TRIQK: variants seen among roughly 807,000 people sequenced by gnomAD.
TRIQK encodes triple QxxK/R motif-containing protein.
In TRIQK, 10 loss-of-function variants were observed where a neutral mutation model predicts 10.8. The ratio of observed to expected loss-of-function variants is 0.92; its 90% confidence interval spans 0.57 to 1.57. TRIQK has a LOEUF of 1.57. Ranked by LOEUF, TRIQK falls within the 40% of genes most tolerant of loss-of-function variation. The pLI is 0.00. For synonymous variants in TRIQK, 33 were observed against 33.7 expected (o/e 0.98, Z 0.07); for missense variants, 107 against 97.7 (o/e 1.09, Z -0.40).
At position 92,884,304 on chromosome 8, in the gene TRIQK, G is replaced by C. The variant is rs1004064642; in HGVS notation, c.*2318C>G. On this transcript the variant is annotated 3_prime_UTR_variant, in exon 5 of 5. Coordinates refer to ENST00000521988, the MANE Select transcript of TRIQK (RefSeq NM_001171797.2). ...TCCCAATCTGGGATTTCTCTACAGA[G>C]GGTTGGCTGCTTCCCAGTTAATGTG... 1 of 154,902 alleles carries C rather than the reference G, an allele frequency of 6.5e-6. No homozygotes were observed. Among genetic ancestry groups the C allele is most frequent in the African/African-American group, 2.4e-5 (1 of 41,394 alleles). The allele number at this position is 154,902 out of a possible 1,614,324, so 9.6% of individuals were successfully genotyped here. A position where few individuals can be genotyped will look rare whatever the true frequency, so the allele number is the denominator to read the frequency against.
rs1242099840 is a variant in TRIQK at position 92,885,404 on chromosome 8, T to G, written c.*1218A>C. On this transcript the variant is annotated 3_prime_UTR_variant, in exon 5 of 5. Coordinates refer to ENST00000521988, the MANE Select transcript of TRIQK (RefSeq NM_001171797.2). ...AATGTATATAATATAAAACACTTTG[T>G]GCACATGTTTCCAACAATTTCATTT... is the stretch of plus-strand genomic sequence containing the variant. 2 of 158,558 alleles carry G rather than the reference T, an allele frequency of 1.3e-5. No individual in the cohort carries two copies. Among genetic ancestry groups the G allele is most frequent in the African/African-American group, 4.8e-5 (2 of 41,454 alleles). 9.8% of individuals were successfully genotyped at this position (158,558 alleles called of 1,614,324 possible).
chr8:92,889,305 T>C (rs1816644364), intron 4 of TRIQK, among the ~76,000 whole-genome samples: 1 of 151,738 alleles, frequency 6.6e-6, no homozygotes, highest in South Asian at 2.1e-4. Context: ...GGTAATTAAA[T>C]CTATAAGTGA....
chr8:92,883,871 T>G lies in TRIQK; in HGVS notation c.*2751A>C, dbSNP rs1816333551. The G allele has an allele frequency of 6.6e-6, 1 of 151,798 alleles. No individual in the cohort carries two copies. The highest frequency in any genetic ancestry group is 1.5e-5 in the Non-Finnish European group (1 of 67,854). The allele number at this position is 151,798 out of a possible 1,614,324, so 9.4% of individuals were successfully genotyped here. The stretch of plus-strand genomic sequence containing the variant: ...GGCTTTTGCTTGTTTTAAAAGCAAT[T>G]CTAGATGAGGTTATATTTTTACAAT... On this transcript the variant is annotated 3_prime_UTR_variant, in exon 5 of 5. Transcript: ENST00000521988.
At chr8:92,988,335 A>G (rs1318274696) in intron 1 of TRIQK, among the ~76,000 whole-genome samples, 1 of 152,134 alleles carries the variant, frequency 6.6e-6, no homozygotes, top group Non-Finnish European at 1.5e-5. Flanking sequence ...TTAAATTATT[A>G]TACCCAAAAG....
intron 1 of TRIQK, among the ~76,000 whole-genome samples, chr8:92,958,836 G>A (rs954240779): frequency 6.6e-6 from 1 of 151,996 alleles, no homozygotes; most frequent in African/African-American, 2.4e-5. Flanking sequence ...ATAACAATGT[G>A]ACTATGATTT....
chr8:92,921,424 G>C (rs1163713648), intron 2 of TRIQK: 4 of 151,142 alleles, frequency 2.6e-5, no homozygotes, highest in Non-Finnish European at 4.4e-5. Context: ...AGCCTCCTTT[G>C]ATGTTAGTTG....
intron 1 of TRIQK, among the ~76,000 whole-genome samples, chr8:93,014,794 A>G (rs1366105136): frequency 6.6e-6 from 1 of 152,012 alleles, no homozygotes; most frequent in South Asian, 2.1e-4. Flanking sequence ...CACTTTAGGT[A>G]ATTGCATTCA....
At chr8:92,933,298 CAATT>C (rs1314353711) in intron 2 of TRIQK, among the ~76,000 whole-genome samples, 1 of 151,996 alleles carries the variant, frequency 6.6e-6, no homozygotes, top group Non-Finnish European at 1.5e-5. Context: ...TTTTACAAAA[CAATT>C]AATACCTAAT....
At chr8:93,000,693 G>A (rs991568872) in intron 1 of TRIQK, among the ~76,000 whole-genome samples, 5 of 152,022 alleles carry the variant, frequency 3.3e-5, no homozygotes, top group Non-Finnish European at 5.9e-5. Context: ...TGGGAAAAGG[G>A]TAAAAGTCTA....
chr8:92,915,103 C>G (rs1024096376), intron 3 of TRIQK, among the ~76,000 whole-genome samples: 1 of 151,992 alleles, frequency 6.6e-6, no homozygotes, highest in Non-Finnish European at 1.5e-5. Context: ...GTAGGCCAGA[C>G]AAAGAAAGAA....
chr8:92,963,964 A>G (rs1299052341), intron 1 of TRIQK: 2 of 152,178 alleles, frequency 1.3e-5, no homozygotes, highest in Admixed American at 1.3e-4. Context: ...ACTTGTTTAA[A>G]TACCAGAATA....
intron 1 of TRIQK, among the ~76,000 whole-genome samples, chr8:92,982,294 A>T (rs1365828025): frequency 2.6e-5 from 4 of 151,984 alleles, no homozygotes; most frequent in Non-Finnish European, 5.9e-5. Context: ...TAAAGAAGAG[A>T]AAACTAGATA....
intron 1 of TRIQK, among the ~76,000 whole-genome samples, chr8:92,995,156 T>C (rs1488988787): frequency 6.6e-6 from 1 of 152,008 alleles, no homozygotes; most frequent in African/African-American, 2.4e-5. Flanking sequence ...CATAATGTCA[T>C]TTTTTATGTC....
At chr8:93,006,979 T>C (rs1306979685) in intron 1 of TRIQK, among the ~76,000 whole-genome samples, 2 of 152,188 alleles carry the variant, frequency 1.3e-5, no homozygotes, top group Admixed American at 6.5e-5. Context: ...TTCAGCGCAG[T>C]GCACCCCCAT....
At chr8:92,888,124 G>C (rs1246114754) in intron 4 of TRIQK, among the ~76,000 whole-genome samples, 1 of 151,520 alleles carries the variant, frequency 6.6e-6, no homozygotes, top group East Asian at 1.9e-4. Flanking sequence ...AATTTTAAGA[G>C]GATGTAATAA....
At chr8:92,966,351 A>G (rs1184881547), upstream of TRIQK, among the ~76,000 whole-genome samples, 2 of 152,242 alleles carry the variant, frequency 1.3e-5, no homozygotes, top group Non-Finnish European at 2.9e-5. Flanking sequence ...TTTAGTTAAT[A>G]TAAAACGGAA....
At chr8:92,896,427 G>A (rs1373989100) in intron 3 of TRIQK, among the ~76,000 whole-genome samples, 2 of 152,168 alleles carry the variant, frequency 1.3e-5, no homozygotes, top group East Asian at 3.9e-4. Flanking sequence ...ACTGCAGAGA[G>A]CCCTGACTAG....
At chr8:92,898,477 G>A (rs1808726182) in intron 3 of TRIQK, among the ~76,000 whole-genome samples, 1 of 152,134 alleles carries the variant, frequency 6.6e-6, no homozygotes, top group African/African-American at 2.4e-5. Context: ...TAAGATTTTA[G>A]TTAATTTTCA....
chr8:93,000,370 A>G (rs1251969873), intron 1 of TRIQK, among the ~76,000 whole-genome samples: 2 of 152,186 alleles, frequency 1.3e-5, no homozygotes, highest in Non-Finnish European at 2.9e-5. Context: ...GAAGGTGAAG[A>G]AAGATCAAAG....
Sources: allele counts gnomAD v4.1 joint callset (sites outside exome capture counted in the v4.1 genomes callset), GRCh38; gene constraint gnomAD v4.1.1; transcripts MANE v1.5; gene names NCBI Gene and HGNC (gene_info 2026-07-23, HGNC 2026-07-21).